DNAH17: variants seen among roughly 807,000 people sequenced by gnomAD.
DNAH17 encodes the protein dynein axonemal heavy chain 17, also known as axonemal beta dynein heavy chain 17.
DNAH17 carries 376 observed loss-of-function variants against 485.6 expected under a neutral mutation model. That is an observed-to-expected ratio of 0.77 (90% CI 0.71 to 0.84). The LOEUF is 0.84. Ranked by LOEUF, DNAH17 falls within the 40% of genes least tolerant of loss-of-function variation. The pLI is 0.00. For synonymous variants in DNAH17, 3,031 were observed against 2,405.9 expected (o/e 1.26, Z -7.60); for missense variants, 6,370 against 5,839.3 (o/e 1.09, Z -2.96).
rs535659431 is a variant in DNAH17 at position 78,457,373 on chromosome 17, CCAAAA to C, written c.9977+1187_9977+1191del. On this transcript the variant is annotated intron_variant, in intron 62 of 80. Transcript: ENST00000389840. ...GTGACGGAGTGAGACTCCCCTGTCT[CCAAAA>C]CAAAACAAAACAAAACAAAAAAACA... Among the ~76,000 whole-genome samples the C allele has an allele frequency of 3.4e-3, 520 of 151,784 alleles. 4 individuals carry two copies. The highest frequency in any genetic ancestry group is 0.012 in the African/African-American group (486 of 41,354).
At chr17:78,530,957 A>T (rs537323464) in intron 20 of DNAH17, among the ~76,000 whole-genome samples, 44 of 152,200 alleles carry the variant, frequency 2.9e-4, no homozygotes, top group Non-Finnish European at 4.7e-4. Context: ...CTCACTGTGC[A>T]TTGGGAACAG....
Position 78,570,277 on chromosome 17 carries a change from C to T in DNAH17, c.1014G>A (p.Leu338=), listed in dbSNP as rs751335297. ...CGATGATTTGGTTGCAGAACTCCTG[C>T]AGGATGACGATGATCCTGGCAGGTG... ...YNTPARIIVI[L]QEFCNQIIEM... Residue 338 remains leucine (L), a synonymous_variant, in exon 7 of 81, where the codon CTG becomes CTA. Transcript: ENST00000389840. 2.5e-6 allele frequency: 4 copies of T among 1,594,260 alleles called. No individual in the cohort carries two copies. The highest frequency in any genetic ancestry group is 2.3e-5 in the South Asian group (2 of 87,460).
Position 78,543,946 on chromosome 17 carries a change from G to C in DNAH17, c.2443C>G (p.Leu815Val), listed in dbSNP as rs573453972. ...FERKDNKKEA[L>V]LDLDGRIANL... is the part of the protein sequence containing the mutation. ...GCAATTCTTCCATCCAAGTCTAACA[G>C]GGCCTCTTTCTTATTGTCCTTTCTT... Residue 815 changes from leucine (L) to valine (V), a missense_variant, in exon 17 of 81, where the codon CTG (leucine) becomes GTG (valine). Transcript: ENST00000389840. 6.2e-6 allele frequency: 10 copies of C among 1,614,042 alleles called. No homozygotes were observed. In the Admixed American group the frequency reaches 6.7e-5, roughly 11 times the overall value.
chr17:78,569,410 C>G lies in DNAH17; in HGVS notation c.1162G>C (p.Asp388His). ...AGCTTCATGTTCACGCAGCAGAAGT[C>G]GTACGTCTGGTAGAGCTCCTTCAGC... is the stretch of plus-strand genomic sequence containing the variant. ...NVLKELYQTY[D>H]FCCVNMKLFF... The change falls in exon 8 of 81, where the codon GAC (aspartate) becomes CAC (histidine). Residue 388 changes from aspartate (D) to histidine (H), a missense_variant. Transcript: ENST00000389840. The G allele has an allele frequency of 2.5e-6, 4 of 1,612,948 alleles. No individual in the cohort carries two copies. Among genetic ancestry groups the G allele is most frequent in the Non-Finnish European group, 3.4e-6 (4 of 1,179,434 alleles).
At position 78,567,121 on chromosome 17, in the gene DNAH17, C is replaced by T. The variant is rs745939725; in HGVS notation, c.1330G>A (p.Glu444Lys). The change falls in exon 10 of 81, where the codon GAG becomes AAG. Residue 444 changes from glutamate to lysine, a missense_variant. Transcript: ENST00000389840. ...AIEFLKLEKI[E>K]LGGVRGNLLG... ...AGGTTCCCACGCACGCCCCCAAGCT[C>T]GATTTTCTCCAGCTTCAGAAACTCA... 1.1e-5 allele frequency: 18 copies of T among 1,610,422 alleles called. No homozygotes were observed. The highest frequency in any genetic ancestry group is 2.7e-5 in the African/African-American group (2 of 74,838).
intron 63 of DNAH17, 87 bp downstream of exon 63, chr17:78,455,557 C>A (rs1168707017): frequency 2.0e-5 from 21 of 1,024,946 alleles, no homozygotes; most frequent in Non-Finnish European, 2.7e-5. Flanking sequence ...GAACTCCTGG[C>A]CTCAAGTAAT....
chr17:78,430,076 G>A (rs535374744), intron 75 of DNAH17, among the ~76,000 whole-genome samples: 26 of 152,258 alleles, frequency 1.7e-4, no homozygotes, highest in African/African-American at 5.8e-4. Flanking sequence ...GCAGTCTCAC[G>A]TCACACCTTT....
rs765221920 is a variant in DNAH17 at position 78,501,768 on chromosome 17, C to G, written c.5296G>C (p.Val1766Leu). The G allele has an allele frequency of 1.2e-6, 2 of 1,613,736 alleles. No individual in the cohort carries two copies. The change falls in exon 34 of 81, where the codon GTG becomes CTG. Residue 1766 changes from valine to leucine, a missense_variant. Coordinates refer to ENST00000389840, the MANE Select transcript of DNAH17 (RefSeq NM_173628.4). ...TTGGCCACGATCATTTTGGCCACCA[C>G]GTCCCGTGCGTGCACATCGATGGTG... ...ICTIDVHARD[V>L]VAKMIVAKVE... is the part of the protein sequence containing the mutation.
chr17:78,484,555 T>TGGAAGGGG (rs1379868028), intron 48 of DNAH17, among the ~76,000 whole-genome samples: 2 of 126,572 alleles, frequency 1.6e-5, no homozygotes, highest in Non-Finnish European at 3.5e-5. Flanking sequence ...GACACCTCGG[T>TGGAAGGGG]GGAAGGGGGG....
At chr17:78,572,987 G>T in intron 2 of DNAH17, 93 bp from the exon 3 acceptor site, 3 of 1,159,744 alleles carry the variant, frequency 2.6e-6, no homozygotes, top group East Asian at 2.6e-5. Flanking sequence ...CCAAAGACCC[G>T]GTGTCTGGAG....
Position 78,451,624 on chromosome 17 carries a change from G to T in DNAH17, c.10579C>A (p.Leu3527Met). Reference protein sequence around the residue: ...KEVEYHPKFRLILHTKYFNPH... With the variant: ...KEVEYHPKFRMILHTKYFNPH... ...TTGAAGTACTTGGTGTGTAGGATCA[G>T]GCGGAACTTGGGGTGGTACTCCACC... The change falls in exon 66 of 81, where the codon CTG (leucine) becomes ATG (methionine). Residue 3527 changes from leucine to methionine, a missense_variant. Coordinates refer to ENST00000389840, the MANE Select transcript of DNAH17 (RefSeq NM_173628.4). The T allele has an allele frequency of 6.2e-7, 1 of 1,600,828 alleles. No individual in the cohort carries two copies. The highest frequency in any genetic ancestry group is 1.1e-5 in the South Asian group (1 of 89,418).
chr17:78,440,983 T>C, intron 72 of DNAH17, 68 bp downstream of exon 72: 1 of 1,542,432 alleles, frequency 6.5e-7, no homozygotes, highest in South Asian at 1.2e-5. Context: ...TTGGTGTGCA[T>C]TTTCCTGGTG....
At chr17:78,478,482 T>G (rs1334189649) in intron 51 of DNAH17, among the ~76,000 whole-genome samples, 2 of 147,558 alleles carry the variant, frequency 1.4e-5, no homozygotes, top group Non-Finnish European at 3.0e-5. Flanking sequence ...ATCACCACCA[T>G]CACTATCACC....
chr17:78,426,307 G>T, intron 79 of DNAH17, 150 bp downstream of exon 79: 1 of 1,002,374 alleles, frequency 1.0e-6, no homozygotes, highest in Non-Finnish European at 1.4e-6. Context: ...AGGGGCATGG[G>T]CTAGGCCCTT....
intron 60 of DNAH17, among the ~76,000 whole-genome samples, chr17:78,459,562 C>T (rs2087990889): frequency 6.6e-6 from 1 of 152,210 alleles, no homozygotes; most frequent in Admixed American, 6.5e-5. Flanking sequence ...TGCTGCTGAC[C>T]TCTGTGGGGC....
At chr17:78,451,054 G>A (rs368358758) in intron 66 of DNAH17, among the ~76,000 whole-genome samples, 7 of 152,342 alleles carry the variant, frequency 4.6e-5, no homozygotes, top group Non-Finnish European at 7.4e-5. Context: ...TTCCTGTCAC[G>A]GAGACTGTAG....
rs1329914995 is a variant in DNAH17 at position 78,558,345 on chromosome 17, T to G, written c.2032-91A>C. ...ACAGAAATGAGCATCTGCCCTGGGA[T>G]GTTTTGACAGCCGGGGGGGATCTCA... On this transcript the variant is annotated intron_variant, in intron 13 of 80. Transcript: ENST00000389840. 6 of 1,468,610 alleles carry G rather than the reference T, an allele frequency of 4.1e-6. No homozygotes were observed. In the East Asian group the frequency reaches 1.5e-4, roughly 36 times the overall value. The allele number at this position is 1,468,610 out of a possible 1,614,324, so 91.0% of individuals were successfully genotyped here. A position where few individuals can be genotyped will look rare whatever the true frequency, so the allele number is the denominator to read the frequency against.
In DNAH17 at chr17:78,427,085, G is replaced by A. The variant is rs1317139675; in HGVS notation, c.12612C>T (p.Ile4204=). The change falls in exon 78 of 81, where the codon ATC becomes ATT. Residue 4204 remains isoleucine (I), a synonymous_variant. Transcript: ENST00000389840. ...EEKVKAVLDD[I]LEKIPETFNM... Reference sequence around the variant, plus strand: ...TGAAAGTCTCCGGAATCTTCTCCAGGATGTCGTCCAGCACGGCCTTCACCT... The same window carrying A: ...TGAAAGTCTCCGGAATCTTCTCCAGAATGTCGTCCAGCACGGCCTTCACCT... The A allele has an allele frequency of 3.2e-6, 5 of 1,583,330 alleles. No individual in the cohort carries two copies. The South Asian group carries it at 5.8e-5, about 18-fold the overall frequency.
chr17:78,460,724 A>C (rs1324781716), intron 58 of DNAH17, among the ~76,000 whole-genome samples: 1 of 152,122 alleles, frequency 6.6e-6, no homozygotes, highest in Non-Finnish European at 1.5e-5. Flanking sequence ...TGAGCTTCCA[A>C]GACTGGAGGG....
Sources: allele counts gnomAD v4.1 joint callset (sites outside exome capture counted in the v4.1 genomes callset), GRCh38; gene constraint gnomAD v4.1.1; transcripts MANE v1.5; gene names NCBI Gene and HGNC (gene_info 2026-07-23, HGNC 2026-07-21).